Variants in MBD3L1 observed in about 807,000 individuals in gnomAD.
MBD3L1 encodes methyl-CpG binding domain protein 3 like 1.
For missense variants in MBD3L1, 203 were observed against 230.1 expected, an observed-to-expected ratio of 0.88 and a Z score of 0.76; for synonymous variants, 84 against 85.1, an observed-to-expected ratio of 0.99 and a Z score of 0.07.
At chr19:8,841,404 T>G (rs567159333) in intron 2 of MBD3L1, among the ~76,000 whole-genome samples, 28 of 152,028 alleles carry the variant, frequency 1.8e-4, no homozygotes, top group African/African-American at 6.5e-4. Context: ...GAGAGGAAGG[T>G]GAAGATACGG....
In MBD3L1 at chr19:8,834,761, C is replaced by G. The variant is rs560436683; in HGVS notation, c.-107+2239C>G. On this transcript the variant is annotated intron_variant, in intron 1 of 2. Transcript: ENST00000595891. ...ATAGACCTAAAGGTAAGAGCTAAAA[C>G]TATAAACTTCTTGGAAGAAAACATA... 2.0e-5 allele frequency among the ~76,000 whole-genome samples: 3 copies of G among 151,702 alleles called. No individual in the cohort carries two copies. In the East Asian group the frequency reaches 5.8e-4, roughly 29 times the overall value.
At chr19:8,835,480 A>G (rs2044445865) in intron 1 of MBD3L1, among the ~76,000 whole-genome samples, 1 of 152,240 alleles carries the variant, frequency 6.6e-6, no homozygotes. Context: ...TCAATAAAAT[A>G]CTACTTCACA....
rs771364578 is a variant in MBD3L1, at chr19:8,843,215, T to C, written c.537T>C (p.Asn179=). The C allele has an allele frequency of 6.2e-6, 10 of 1,610,308 alleles. No individual in the cohort carries two copies. In the Admixed American group the frequency reaches 1.2e-4, roughly 19 times the overall value. Reference sequence around the variant, plus strand: ...CACTGATTGCGGATGGACTCGCTAATGAGGCAGAGAAAGTGAGAGACCAAG... The same window carrying C: ...CACTGATTGCGGATGGACTCGCTAACGAGGCAGAGAAAGTGAGAGACCAAG... ...AIALIADGLA[N]EAEKVRDQEG... Residue 179 remains asparagine, a synonymous_variant, in exon 3 of 3, where the codon AAT becomes AAC. Coordinates refer to ENST00000595891, the MANE Select transcript of MBD3L1 (RefSeq NM_001393532.1).
At chr19:8,833,478 T>C (rs57334544) in intron 1 of MBD3L1, 1 of 152,206 alleles carries the variant, frequency 6.6e-6, no homozygotes, top group African/African-American at 2.4e-5. Flanking sequence ...TGGACATGTA[T>C]GTGTGTGTAT....
At chr19:8,838,252 C>CAAAAAAA (rs542318207) in intron 1 of MBD3L1, among the ~76,000 whole-genome samples, 296 of 11,832 alleles carry the variant, frequency 0.025, 102 homozygotes, top group Middle Eastern at 0.25. Flanking sequence ...GACTCCATCT[C>CAAAAAAA]AAAAAAAAAA....
At chr19:8,842,579 C>A (rs1331874295) in intron 2 of MBD3L1, 79 bp from the exon 3 acceptor site, 1 of 1,050,788 alleles carries the variant, frequency 9.5e-7, no homozygotes, top group Non-Finnish European at 1.4e-6. Flanking sequence ...GATGAAAGTC[C>A]AGAACAGCTG....
chr19:8,839,800 G>T (rs1203909598), intron 1 of MBD3L1, among the ~76,000 whole-genome samples: 1 of 152,162 alleles, frequency 6.6e-6, no homozygotes, highest in African/African-American at 2.4e-5. Flanking sequence ...GGCAGTAGTG[G>T]TGAAGGAGGG....
rs773170116 is a variant in MBD3L1, at chr19:8,843,271, A to G, written c.*8A>G. 2.6e-6 allele frequency: 4 copies of G among 1,543,946 alleles called. No individual in the cohort carries two copies. The highest frequency in any genetic ancestry group is 1.4e-5 in the African/African-American group (1 of 72,880). ...CGTCCTGAAAAACGCTAAGAAAAAA[A>G]GGGAAGATAGTGCAGATGAAATAAA... is the stretch of plus-strand genomic sequence containing the variant. On this transcript the variant is annotated 3_prime_UTR_variant, in exon 3 of 3. Transcript: ENST00000595891.
intron 1 of MBD3L1, among the ~76,000 whole-genome samples, chr19:8,835,016 TAAA>T (rs775093478): frequency 6.6e-6 from 1 of 151,326 alleles, no homozygotes; most frequent in Non-Finnish European, 1.5e-5. Flanking sequence ...GACTCAGCAA[TAAA>T]AAGATACCCA....
intron 1 of MBD3L1, among the ~76,000 whole-genome samples, chr19:8,833,804 A>G (rs1386352732): frequency 1.3e-5 from 2 of 152,182 alleles, no homozygotes; most frequent in East Asian, 1.9e-4. Context: ...GCCTGCCAAC[A>G]TGGTGAAACC....
intron 1 of MBD3L1, among the ~76,000 whole-genome samples, chr19:8,839,677 G>A (rs2044491095): frequency 6.6e-6 from 1 of 152,172 alleles, no homozygotes; most frequent in African/African-American, 2.4e-5. Context: ...GCTGAGAACG[G>A]TGAAGGAAAA....
chr19:8,837,109 A>G (rs1327797661), intron 1 of MBD3L1, among the ~76,000 whole-genome samples: 1 of 152,214 alleles, frequency 6.6e-6, no homozygotes, highest in Non-Finnish European at 1.5e-5. Context: ...TCAAGACATG[A>G]AGAAATGAAT....
intron 1 of MBD3L1, among the ~76,000 whole-genome samples, chr19:8,832,895 G>T (rs372032653): frequency 7.9e-5 from 12 of 151,976 alleles, no homozygotes; most frequent in African/African-American, 2.9e-4. Flanking sequence ...GGAGGGCGGG[G>T]ACTAGGCTGT....
At chr19:8,836,844 CTG>C (rs2044461224) in intron 1 of MBD3L1, among the ~76,000 whole-genome samples, 2 of 152,122 alleles carry the variant, frequency 1.3e-5, no homozygotes, top group South Asian at 4.1e-4. Flanking sequence ...GCAAAACAAA[CTG>C]GGGATAAATA....
Position 8,843,269 on chromosome 19 carries a change from A to G in MBD3L1, c.*6A>G, listed in dbSNP as rs966439631. On this transcript the variant is annotated 3_prime_UTR_variant, in exon 3 of 3. Coordinates refer to ENST00000595891, the MANE Select transcript of MBD3L1 (RefSeq NM_001393532.1). ...GCCGTCCTGAAAAACGCTAAGAAAAAAAGGGAAGATAGTGCAGATGAAATA... is the reference window on the plus strand; with the variant it reads ...GCCGTCCTGAAAAACGCTAAGAAAAGAAGGGAAGATAGTGCAGATGAAATA... 1 of 1,554,864 alleles carries G rather than the reference A, an allele frequency of 6.4e-7. No individual in the cohort carries two copies. Among genetic ancestry groups the G allele is most frequent in the Non-Finnish European group, 8.7e-7 (1 of 1,151,834 alleles).
chr19:8,834,313 A>G (rs894279147), intron 1 of MBD3L1, among the ~76,000 whole-genome samples: 3 of 152,114 alleles, frequency 2.0e-5, no homozygotes, highest in Admixed American at 6.5e-5. Flanking sequence ...GCCAATATAC[A>G]AAAGAATGAA....
intron 1 of MBD3L1, among the ~76,000 whole-genome samples, chr19:8,836,405 C>T (rs757111285): frequency 2.0e-5 from 3 of 150,940 alleles, no homozygotes; most frequent in Non-Finnish European, 3.0e-5. Context: ...TCCTCCTTGT[C>T]CTCCTCCTTC....
rs1568485304 is a variant in MBD3L1, at chr19:8,843,182, CG to C, written c.505del (p.Ala169GlnfsTer2). 6.2e-7 allele frequency: 1 copy of C among 1,613,334 alleles called. No homozygotes were observed. The highest frequency in any genetic ancestry group is 1.1e-5 in the South Asian group (1 of 90,882). ...AAGTGAAGACAGTCAGAGAGAGACT[CG>C]CAATAGCACTGATTGCGGATGGACT... ...GKVKTVRERLAIALIADGLAN... is the reference protein window; with the variant it reads ...GKVKTVRERLXIALIADGLAN... On this transcript the variant is annotated frameshift_variant, in exon 3 of 3. Transcript: ENST00000595891. LOFTEE classifies it low-confidence loss of function (END_TRUNC).
chr19:8,841,539 GGT>G (rs1339119052), intron 2 of MBD3L1, among the ~76,000 whole-genome samples: 1 of 151,998 alleles, frequency 6.6e-6, no homozygotes, highest in Non-Finnish European at 1.5e-5. Context: ...ATTTATAGTG[GGT>G]GAATAAGTTT....
Sources: gnomAD v4.1 joint callset for allele counts (sites outside exome capture counted in the v4.1 genomes callset) on GRCh38, gnomAD v4.1.1 for gene constraint, MANE v1.5 for transcripts, NCBI Gene and HGNC (gene_info 2026-07-23, HGNC 2026-07-21) for gene names.